The following NTM variants were observed in gnomAD, a reference collection of about 807,000 sequenced individuals.
The protein encoded by NTM is IgLON family member 2.
NTM carries 13 observed loss-of-function variants against 42.1 expected under a neutral mutation model. That is an observed-to-expected ratio of 0.31 (90% confidence interval 0.20 to 0.49). NTM has a LOEUF of 0.49. NTM is among the 20% of genes least tolerant of loss of function. NTM has a pLI of 0.99. For missense variants in NTM, 373 were observed against 452.8 expected (o/e 0.82, Z 1.60); for synonymous variants, 187 against 179.2 (o/e 1.04, Z -0.35).
At chr11:131,911,532 G>A in intron 1 of NTM, 32 bp from the exon 2 acceptor site, 1 of 1,614,186 alleles carries the variant, frequency 6.2e-7, no homozygotes, top group Non-Finnish European at 8.5e-7. Flanking sequence ...TCGTGGTCGT[G>A]TCTCTCAGGC....
chr11:132,058,799 C>G (rs552026291), intron 2 of NTM, among the ~76,000 whole-genome samples: 2 of 152,170 alleles, frequency 1.3e-5, no homozygotes, highest in African/African-American at 2.4e-5. Flanking sequence ...GGGCCTGAAT[C>G]CTCTTGTTTG....
At chr11:131,726,412 T>C (rs1037471700) in intron 1 of NTM, among the ~76,000 whole-genome samples, 11 of 145,282 alleles carry the variant, frequency 7.6e-5, no homozygotes, top group African/African-American at 3.2e-4. Flanking sequence ...CTTGGATTGC[T>C]GCCATCCTCT....
chr11:131,517,484 G>GT (rs1364196394), intron 1 of NTM, among the ~76,000 whole-genome samples: 1 of 152,224 alleles, frequency 6.6e-6, no homozygotes, highest in Non-Finnish European at 1.5e-5. Flanking sequence ...AAATGGGGGA[G>GT]TAGAGGCCTG....
At chr11:132,113,612 TG>T (rs1210971748) in intron 2 of NTM, among the ~76,000 whole-genome samples, 1 of 152,156 alleles carries the variant, frequency 6.6e-6, no homozygotes, top group African/African-American at 2.4e-5. Flanking sequence ...CTGGCTGGGA[TG>T]TGAGAGGCAC....
intron 1 of NTM, among the ~76,000 whole-genome samples, chr11:131,548,260 T>C (rs2054196703): frequency 2.0e-5 from 3 of 152,176 alleles, no homozygotes; most frequent in African/African-American, 7.2e-5. Flanking sequence ...AAGCATGTTT[T>C]GCCTCCACCA....
chr11:132,080,133 G>C (rs1173592674), intron 2 of NTM, among the ~76,000 whole-genome samples: 1 of 152,008 alleles, frequency 6.6e-6, no homozygotes, highest in African/African-American at 2.4e-5. Flanking sequence ...AACTTTCAGA[G>C]CCTCATCCTG....
At chr11:131,603,996 T>C (rs111794226) in intron 1 of NTM, among the ~76,000 whole-genome samples, 17 of 152,334 alleles carry the variant, frequency 1.1e-4, no homozygotes, top group African/African-American at 4.1e-4. Flanking sequence ...GCTTTGAACA[T>C]GCTTGTACAA....
chr11:131,640,758 C>G lies in NTM; in HGVS notation c.82+269870C>G, dbSNP rs540119457. Among the ~76,000 whole-genome samples, 210 of 152,270 alleles carry G rather than the reference C, an allele frequency of 1.4e-3. 3 individuals are homozygous for G. Among genetic ancestry groups the G allele is most frequent in the African/African-American group, 4.9e-3 (205 of 41,544 alleles). On this transcript the variant is annotated intron_variant, in intron 1 of 8. Transcript: ENST00000683400. ...CCCACCCACTCTAAAACTACTGAAGCAGAATCTCAAGGAGGGACCTAAACA... is the reference window on the plus strand; with the variant it reads ...CCCACCCACTCTAAAACTACTGAAGGAGAATCTCAAGGAGGGACCTAAACA...
chr11:131,546,510 A>G (rs2053967102), intron 1 of NTM, among the ~76,000 whole-genome samples: 1 of 152,172 alleles, frequency 6.6e-6, no homozygotes, highest in Admixed American at 6.5e-5. Context: ...AAAGTCAACT[A>G]TGTCATGTTC....
chr11:131,857,438 C>T (rs1251022742), intron 1 of NTM, among the ~76,000 whole-genome samples: 2 of 152,152 alleles, frequency 1.3e-5, no homozygotes, highest in Non-Finnish European at 2.9e-5. Flanking sequence ...ATTCAGTGGC[C>T]CTCAATGAGT....
intron 4 of NTM, among the ~76,000 whole-genome samples, chr11:132,212,818 G>T (rs1176682912): frequency 6.6e-6 from 1 of 152,146 alleles, no homozygotes; most frequent in African/African-American, 2.4e-5. Flanking sequence ...GAACAAGAAA[G>T]ATAAAAATAT....
At chr11:131,424,854 C>A (rs1007617813) in intron 1 of NTM, among the ~76,000 whole-genome samples, 1 of 149,148 alleles carries the variant, frequency 6.7e-6, no homozygotes, top group African/African-American at 2.5e-5. Context: ...TAGGCGTGAG[C>A]CACCACGCCC....
chr11:132,170,836 C>T (rs959229348), intron 3 of NTM, among the ~76,000 whole-genome samples: 3 of 152,080 alleles, frequency 2.0e-5, no homozygotes, highest in Non-Finnish European at 2.9e-5. Flanking sequence ...GGCACCGTGG[C>T]AAGTGTTGGG....
At chr11:131,529,192 A>G (rs1391712410) in intron 1 of NTM, among the ~76,000 whole-genome samples, 2 of 152,374 alleles carry the variant, frequency 1.3e-5, no homozygotes, top group Non-Finnish European at 2.9e-5. Flanking sequence ...ACAATTTGAC[A>G]TCCTGCCACA....
intron 1 of NTM, among the ~76,000 whole-genome samples, chr11:131,547,736 C>A (rs1011299249): frequency 3.3e-5 from 5 of 152,052 alleles, no homozygotes; most frequent in African/African-American, 1.2e-4. Context: ...TACTATACAC[C>A]CTCTCAAAGA....
chr11:131,836,663 A>T (rs2043539040), intron 1 of NTM, among the ~76,000 whole-genome samples: 1 of 152,194 alleles, frequency 6.6e-6, no homozygotes, highest in Admixed American at 6.5e-5. Context: ...TTGCTGCAGA[A>T]GTCAGTTACC....
At chr11:131,436,631 C>G (rs933191275) in intron 1 of NTM, among the ~76,000 whole-genome samples, 5 of 152,076 alleles carry the variant, frequency 3.3e-5, no homozygotes, top group Admixed American at 3.3e-4. Flanking sequence ...GTGGTGATAT[C>G]CCATTTATCA....
At chr11:132,210,588 A>G (rs1471399224) in intron 3 of NTM, among the ~76,000 whole-genome samples, 1 of 152,224 alleles carries the variant, frequency 6.6e-6, no homozygotes. Context: ...TCTTTACTCC[A>G]TCCACTTGAA....
At chr11:131,414,490 G>A (rs1232031817) in intron 1 of NTM, among the ~76,000 whole-genome samples, 1 of 152,130 alleles carries the variant, frequency 6.6e-6, no homozygotes, top group Non-Finnish European at 1.5e-5. Context: ...AGCAGGTCCG[G>A]GACTGCCACT....
Sources: gnomAD v4.1 joint callset for allele counts (sites outside exome capture counted in the v4.1 genomes callset) on GRCh38, gnomAD v4.1.1 for gene constraint, MANE v1.5 for transcripts, NCBI Gene and HGNC (gene_info 2026-07-23, HGNC 2026-07-21) for gene names.